The following RECQL5 variants were observed in gnomAD, a reference collection of about 807,000 sequenced individuals.
The protein encoded by RECQL5 is ATP-dependent DNA helicase Q5.
A neutral mutation model predicts 103.4 loss-of-function variants in RECQL5; 88 were observed. The ratio of observed to expected loss-of-function variants is 0.85; its 90% CI spans 0.72 to 1.02. The LOEUF (loss-of-function observed/expected upper bound fraction) is 1.02. Ranked by LOEUF, RECQL5 falls within the 50% of genes least tolerant of loss-of-function variation. The pLI, the probability that RECQL5 is intolerant of heterozygous loss-of-function variation, is 0.00. For missense variants in RECQL5, 1,232 were observed against 1,284.3 expected, an observed-to-expected ratio of 0.96 and a Z score of 0.62; for synonymous variants, 552 against 507.9, an observed-to-expected ratio of 1.09 and a Z score of -1.17.
Position 75,640,220 on chromosome 17 carries a change from G to C in RECQL5, c.1230-8552C>G, listed in dbSNP as rs563203070. ...GCGCGGCATGGCTGCCACCGACTTC[G>C]TGCAGGAGATGCGCGCCGTGGGCGA... On this transcript the variant is annotated intron_variant, in intron 8 of 19. Transcript: ENST00000317905. This position sits in a 1 kb window ranked among gnomAD's most constrained non-coding sequence, Gnocchi z 4.6. The C allele has an allele frequency of 1.8e-5, 28 of 1,550,240 alleles. No homozygotes were observed. The highest frequency in any genetic ancestry group is 2.4e-5 in the South Asian group (2 of 83,998).
At chr17:75,662,171 A>C (rs1269557978) in intron 4 of RECQL5, among the ~76,000 whole-genome samples, 2 of 152,072 alleles carry the variant, frequency 1.3e-5, no homozygotes, top group Middle Eastern at 3.2e-3. Context: ...CAAAAAAAAA[A>C]CAGGCCAAAA....
In RECQL5 at chr17:75,630,174, C is replaced by T; in HGVS notation, c.1812+10G>A. 6.5e-7 allele frequency: 1 copy of T among 1,539,700 alleles called. No homozygotes were observed. The highest frequency in any genetic ancestry group is 8.8e-7 in the Non-Finnish European group (1 of 1,141,180). On this transcript the variant is annotated intron_variant, in intron 14 of 19. Transcript: ENST00000317905. Reference sequence around the variant, plus strand: ...TGCAACGACCCTGGGTCCGCCTGCACCAGGCCCACCTTCTTCAGCACGCTG... The same window carrying T: ...TGCAACGACCCTGGGTCCGCCTGCATCAGGCCCACCTTCTTCAGCACGCTG...
rs1297496295 is a variant in RECQL5, at chr17:75,653,607, GAAA to G, written c.1150-2345_1150-2343del. On this transcript the variant is annotated intron_variant, in intron 7 of 19. Transcript: ENST00000317905. ...CTGTGAATTATTTAATACAGAAAAG[GAAA>G]AAAAGAGCCCGGGCATGGTGGCTTA... 2.0e-5 allele frequency among the ~76,000 whole-genome samples: 3 copies of G among 152,118 alleles called. No individual in the cohort carries two copies. The East Asian group carries it at 5.8e-4, about 29-fold the overall frequency.
chr17:75,653,377 C>T (rs956862762), intron 7 of RECQL5, among the ~76,000 whole-genome samples: 9 of 152,200 alleles, frequency 5.9e-5, no homozygotes, highest in African/African-American at 2.2e-4. Flanking sequence ...CTTGCCCATT[C>T]CTGGAGGTAA....
chr17:75,634,965 CTGTT>C (rs1413164329), intron 8 of RECQL5, among the ~76,000 whole-genome samples: 1 of 152,132 alleles, frequency 6.6e-6, no homozygotes, highest in Non-Finnish European at 1.5e-5. Flanking sequence ...CAGGACCCGG[CTGTT>C]TGGTTCTTTG....
chr17:75,630,339 T>A, intron 13 of RECQL5, 62 bp from the exon 14 acceptor site: 1 of 1,424,014 alleles, frequency 7.0e-7, no homozygotes, highest in African/African-American at 1.4e-5. Context: ...CCTGCTGAGC[T>A]CTTGCGGGAC....
chr17:75,628,314 G>GA lies in RECQL5; in HGVS notation c.2708dup (p.Gln904ProfsTer36). ...AGGAGACGCCAGGAGCGGAGAGCTG[G>GA]AAGGGGTCTTGAGCCGTGGGATTCA... On this transcript the variant is annotated frameshift_variant, in exon 18 of 20. Coordinates refer to ENST00000317905, the MANE Select transcript of RECQL5 (RefSeq NM_004259.7). LOFTEE classifies it high-confidence loss of function. 6.2e-7 allele frequency: 1 copy of GA among 1,614,188 alleles called. No homozygotes were observed. Among genetic ancestry groups the GA allele is most frequent in the Non-Finnish European group, 8.5e-7 (1 of 1,180,034 alleles).
In RECQL5 at chr17:75,640,328, GGTTA is replaced by G; in HGVS notation, c.1230-8664_1230-8661del. 1 of 1,545,380 alleles carries G rather than the reference GGTTA, an allele frequency of 6.5e-7. No individual in the cohort carries two copies. Among genetic ancestry groups the G allele is most frequent in the African/African-American group, 1.4e-5 (1 of 73,010 alleles). On this transcript the variant is annotated intron_variant, in intron 8 of 19. Coordinates refer to ENST00000317905, the MANE Select transcript of RECQL5 (RefSeq NM_004259.7). This position sits in a 1 kb window ranked among gnomAD's most constrained non-coding sequence, Gnocchi z 4.6. The stretch of plus-strand genomic sequence containing the variant: ...CTTCTCAGTCATCATCCTTTTCACA[GGTTA>G]GTTGGGGCACTCAGCACCCCATGGC...
At position 75,635,044 on chromosome 17, in the gene RECQL5, G is replaced by A. The variant is rs572571011; in HGVS notation, c.1230-3376C>T. On this transcript the variant is annotated intron_variant, in intron 8 of 19. Transcript: ENST00000317905. ...GCCGAGGCTGCCTACTCCTCCTGCC[G>A]CCCTGTCCTCAAGCCAGCGTTAAAG... is the stretch of plus-strand genomic sequence containing the variant. 3.3e-5 allele frequency among the ~76,000 whole-genome samples: 5 copies of A among 152,248 alleles called. No homozygotes were observed. In the East Asian group the frequency reaches 5.8e-4, roughly 18 times the overall value.
At chr17:75,632,134 C>T (rs1180180864) in intron 8 of RECQL5, among the ~76,000 whole-genome samples, 1 of 152,250 alleles carries the variant, frequency 6.6e-6, no homozygotes, top group African/African-American at 2.4e-5. Flanking sequence ...CATTACAGTA[C>T]AGTCATGCCC....
intron 6 of RECQL5, among the ~76,000 whole-genome samples, chr17:75,658,822 A>C (rs1321831783): frequency 6.6e-6 from 1 of 152,186 alleles, no homozygotes; most frequent in Non-Finnish European, 1.5e-5. Flanking sequence ...GAGGGAAAGG[A>C]ATAATATTTA....
rs554407453 is a variant in RECQL5, at chr17:75,658,321, T to C, written c.1126A>G (p.Arg376Gly). The C allele has an allele frequency of 1.9e-6, 3 of 1,613,750 alleles. No individual in the cohort carries two copies. The highest frequency in any genetic ancestry group is 2.5e-6 in the Non-Finnish European group (3 of 1,179,850). ...NDRDQVSFLI[R>G]KEVAKLQEKR... is the part of the protein sequence containing the mutation. ...ACCTGGAGTTTTGCTACTTCCTTCC[T>C]GATCAGGAAGCTGACTTGGTCCCGG... Residue 376 changes from arginine to glycine, a missense_variant, in exon 7 of 20, where the codon AGG becomes GGG. Arg to Gly is a moderately radical substitution (Grantham distance 125). Transcript: ENST00000317905.
chr17:75,638,886 C>T (rs2059377974), intron 8 of RECQL5: 1 of 152,308 alleles, frequency 6.6e-6, no homozygotes, highest in South Asian at 2.1e-4. Flanking sequence ...TGCCGGCTGC[C>T]ATCTTGCTCC....
At position 75,640,911 on chromosome 17, in the gene RECQL5, G is replaced by C. The variant is rs772747227; in HGVS notation, c.1230-9243C>G. On this transcript the variant is annotated intron_variant, in intron 8 of 19. Coordinates refer to ENST00000317905, the MANE Select transcript of RECQL5 (RefSeq NM_004259.7). The surrounding 1 kb of genome is among the most constrained non-coding windows in gnomAD (Gnocchi z 4.6). ...ACACCACCATGACGGACGGGCGATG[G>C]CTGAGGAGAAGCTGGAGAGGAGATG... is the stretch of plus-strand genomic sequence containing the variant. The C allele has an allele frequency of 1.1e-5, 17 of 1,540,978 alleles. No homozygotes were observed. In the Admixed American group the frequency reaches 2.4e-4, roughly 21 times the overall value.
In RECQL5 at chr17:75,640,115, CGA is replaced by C; in HGVS notation, c.1230-8449_1230-8448del. On this transcript the variant is annotated intron_variant, in intron 8 of 19. Coordinates refer to ENST00000317905, the MANE Select transcript of RECQL5 (RefSeq NM_004259.7). This position sits in a 1 kb window ranked among gnomAD's most constrained non-coding sequence, Gnocchi z 4.6. The stretch of plus-strand genomic sequence containing the variant: ...CGAGGGTGGAATCTCGGTGCTGCGA[CGA>C]GTGTGGGGCCAGCCGTGGAGGCTCC... The C allele has an allele frequency of 1.4e-6, 2 of 1,439,176 alleles. No homozygotes were observed. The highest frequency in any genetic ancestry group is 1.8e-6 in the Non-Finnish European group (2 of 1,098,182). The allele number at this position is 1,439,176 out of a possible 1,614,324, so 89.2% of individuals were successfully genotyped here.
At chr17:75,645,668 C>A (rs895577099) in intron 8 of RECQL5, among the ~76,000 whole-genome samples, 1 of 152,210 alleles carries the variant, frequency 6.6e-6, no homozygotes, top group Non-Finnish European at 1.5e-5. Context: ...CAGTAAGTTT[C>A]ACACAAGGAA....
Position 75,630,619 on chromosome 17 carries a change from T to A in RECQL5, c.1718A>T (p.Glu573Val), listed in dbSNP as rs1340442661. ...TCAGCCCAGTGATCGTGGAACTCAC[T>A]CATCAGCGGTACGTGTTGACTGGCG... is the stretch of plus-strand genomic sequence containing the variant. The part of the protein sequence containing the change: ...SNRQSTRTAD[E>V]ADLRAKAVEL... The change falls in exon 13 of 20, where the codon GAA becomes GTA. Residue 573 changes from glutamate to valine, a missense_variant and splice_region_variant. Transcript: ENST00000317905. The A allele has an allele frequency of 1.2e-6, 2 of 1,613,588 alleles. No individual in the cohort carries two copies. Among genetic ancestry groups the A allele is most frequent in the East Asian group, 4.5e-5 (2 of 44,876 alleles).
chr17:75,650,701 T>C, intron 8 of RECQL5: 2 of 1,613,910 alleles, frequency 1.2e-6, no homozygotes, highest in Non-Finnish European at 1.7e-6. Context: ...ACTCTTTCCG[T>C]GGCCCCTGCC....
Position 75,661,053 on chromosome 17 carries a change from A to G in RECQL5, c.888T>C (p.Ser296=). 1 of 1,613,956 alleles carries G rather than the reference A, an allele frequency of 6.2e-7. No homozygotes were observed. The highest frequency in any genetic ancestry group is 8.5e-7 in the Non-Finnish European group (1 of 1,179,786). The change falls in exon 6 of 20, where the codon TCT becomes TCC. Residue 296 remains serine, a synonymous_variant. Transcript: ENST00000317905. ...AGTCGTTCTGCACCAGCGTTCTTTC[A>G]GAGGCCTTCAGCCCTGTAAAGGAGG... ...AKAYHAGLKA[S]ERTLVQNDWM...
Sources: allele counts gnomAD v4.1 joint callset (sites outside exome capture counted in the v4.1 genomes callset), GRCh38; gene constraint gnomAD v4.1.1; non-coding constraint Gnocchi (gnomAD v3.1); transcripts MANE v1.5; gene names NCBI Gene and HGNC (gene_info 2026-07-23, HGNC 2026-07-21).